Variants in PER3 observed in about 807,000 individuals in gnomAD.
The protein encoded by PER3 is period circadian regulator 3.
A neutral mutation model predicts 127.2 loss-of-function variants in PER3; 107 were observed. That is an observed-to-expected ratio of 0.84 (90% confidence interval 0.72 to 0.99). PER3 has a LOEUF of 0.99. PER3 is among the 50% of genes least tolerant of loss of function. The pLI is 0.00. For synonymous variants in PER3, 618 were observed against 585.8 expected (o/e 1.05, Z -0.79); for missense variants, 1,560 against 1,525.8 (o/e 1.02, Z -0.37).
At position 7,836,100 on chromosome 1, in the gene PER3, C is replaced by T. The variant is rs1042983961; in HGVS notation, c.3398+155C>T. ...GCAACCTCCATCTCCTGGGTTCAAG[C>T]GATTCTTCTGCCTCAGCCTCCCGAG... On this transcript the variant is annotated intron_variant, in intron 20 of 21. Transcript: ENST00000377532. Among the ~76,000 whole-genome samples, 7 of 152,010 alleles carry T rather than the reference C, an allele frequency of 4.6e-5. No homozygotes were observed. The East Asian group carries it at 7.7e-4, about 17-fold the overall frequency.
chr1:7,839,057 G>A (rs1176140278), intron 21 of PER3, among the ~76,000 whole-genome samples: 4 of 151,858 alleles, frequency 2.6e-5, no homozygotes, highest in African/African-American at 4.8e-5. Context: ...GTGTTTAGTT[G>A]GTTTTTTGAA....
At chr1:7,823,204 G>A (rs1481035992) in intron 16 of PER3, among the ~76,000 whole-genome samples, 1 of 152,204 alleles carries the variant, frequency 6.6e-6, no homozygotes, top group Non-Finnish European at 1.5e-5. Context: ...AGATGCACAA[G>A]TGAAACCGTA....
In PER3 at chr1:7,788,197, G is replaced by A. The variant is rs750025676; in HGVS notation, c.543G>A (p.Ala181=). The part of the protein sequence containing the change: ...LAPQDMRVFY[A]HTARAQLPFW... ...CTCAAGACATGAGGGTATTCTACGC[G>A]CACACTGCCAGAGCTCAGCTTCCTT... Residue 181 remains alanine (A), a synonymous_variant, in exon 5 of 22, where the codon GCG becomes GCA. Coordinates refer to ENST00000377532, the MANE Select transcript of PER3 (RefSeq NM_001377275.1). 1.4e-5 allele frequency: 23 copies of A among 1,613,824 alleles called. No individual in the cohort carries two copies. The highest frequency in any genetic ancestry group is 3.3e-5 in the Admixed American group (2 of 60,000).
intron 11 of PER3, among the ~76,000 whole-genome samples, chr1:7,809,228 C>T (rs751777390): frequency 5.9e-5 from 9 of 152,200 alleles, no homozygotes; most frequent in East Asian, 1.9e-4. Flanking sequence ...CAGCAAACCA[C>T]GTGACTGAGA....
Position 7,843,949 on chromosome 1 carries a change from C to T in PER3, c.*1194C>T. On this transcript the variant is annotated 3_prime_UTR_variant, in exon 22 of 22. Transcript: ENST00000377532. ...TTGGAATGATAGATGAAATTCACAC[C>T]CCTGCAGATCAGAAAAAACAAATAG... 7.8e-7 allele frequency: 1 copy of T among 1,277,154 alleles called. No individual in the cohort carries two copies. Among genetic ancestry groups the T allele is most frequent in the Non-Finnish European group, 1.0e-6 (1 of 977,010 alleles). 79.1% of individuals were successfully genotyped at this position (1,277,154 alleles called of 1,614,324 possible). A position where few individuals can be genotyped will look rare whatever the true frequency, so the allele number is the denominator to read the frequency against.
rs866728922 is a variant in PER3 at position 7,840,660 on chromosome 1, A to G, written c.3550-2012A>G. ...TTTTTTAAGACAGTCTCACTTTGTC[A>G]TCCAGGCTGGAGTGCAGTGGTATGA... On this transcript the variant is annotated intron_variant, in intron 21 of 21. Coordinates refer to ENST00000377532, the MANE Select transcript of PER3 (RefSeq NM_001377275.1). Among the ~76,000 whole-genome samples the G allele has an allele frequency of 1.3e-4, 19 of 151,956 alleles. No individual in the cohort carries two copies. The South Asian group carries it at 3.5e-3, about 28-fold the overall frequency.
intron 16 of PER3, among the ~76,000 whole-genome samples, chr1:7,824,357 A>G (rs1405837358): frequency 1.3e-5 from 2 of 152,238 alleles, no homozygotes; most frequent in East Asian, 3.8e-4. Flanking sequence ...CAAAATTGAT[A>G]AACTCCTTAT....
chr1:7,836,001 T>C, intron 20 of PER3, 56 bp downstream of exon 20: 1 of 1,245,562 alleles, frequency 8.0e-7, no homozygotes, highest in Non-Finnish European at 1.1e-6. Context: ...TCTTTTTTTC[T>C]TTTTTTTCTT....
intron 13 of PER3, among the ~76,000 whole-genome samples, chr1:7,818,935 C>G (rs903262848): frequency 6.6e-6 from 1 of 152,232 alleles, no homozygotes; most frequent in African/African-American, 2.4e-5. Flanking sequence ...CAGGGTTGAT[C>G]AGTTGTACAG....
intron 13 of PER3, among the ~76,000 whole-genome samples, chr1:7,817,206 G>A (rs570385430): frequency 1.3e-5 from 2 of 152,284 alleles, no homozygotes; most frequent in South Asian, 4.1e-4. Context: ...TTAAGTCATG[G>A]AAATGTTCTT....
Position 7,835,830 on chromosome 1 carries a change from C to A in PER3, c.3283C>A (p.Gln1095Lys), listed in dbSNP as rs1267990710. ...TTCTAAAATCTCCCAAAATGGGCAG[C>A]AATCTCAGGACGTACAGAAAAAAGA... ...YSSKISQNGQQSQDVQKKETF... is the reference protein window; with the variant it reads ...YSSKISQNGQKSQDVQKKETF... The change falls in exon 20 of 22, where the codon CAA (glutamine) becomes AAA (lysine). Residue 1095 changes from glutamine (Q) to lysine (K), a missense_variant. Physicochemically the swap from Gln to Lys is moderately conservative, Grantham distance 53. This residue lies in a region of PER3 where 199 missense variants were observed against 198.6 expected (regional missense o/e 1.00). Coordinates refer to ENST00000377532, the MANE Select transcript of PER3 (RefSeq NM_001377275.1). 58 of 1,611,310 alleles carry A rather than the reference C, an allele frequency of 3.6e-5. No individual in the cohort carries two copies. The highest frequency in any genetic ancestry group is 4.6e-5 in the Non-Finnish European group (54 of 1,177,580).
chr1:7,788,085 T>G lies in PER3; in HGVS notation c.431T>G (p.Leu144Ter). The change falls in exon 5 of 22, where the codon TTA (leucine) becomes TGA (stop). Residue 144 changes from leucine to a stop codon, truncating the protein, a stop_gained. Coordinates refer to ENST00000377532, the MANE Select transcript of PER3 (RefSeq NM_001377275.1). LOFTEE classifies it high-confidence loss of function. ...VAVFSFLSGR[L>*]VHISEQAALI... is the part of the protein sequence containing the mutation. ...GTATTTTCATTTCTGTCTGGAAGGT[T>G]AGTGCACATTTCTGAACAGGCTGCT... 2 of 1,613,890 alleles carry G rather than the reference T, an allele frequency of 1.2e-6. No individual in the cohort carries two copies. The highest frequency in any genetic ancestry group is 1.1e-5 in the South Asian group (1 of 91,076).
chr1:7,794,018 G>C lies in PER3; in HGVS notation c.644+10G>C, dbSNP rs1325857754. On this transcript the variant is annotated intron_variant, in intron 6 of 21. Transcript: ENST00000377532. ...TTTTCTGCAGGATCCGGTAAGTATA[G>C]TGGCTCGTGGAAGCCAGCAACAGTG... 1 of 1,610,174 alleles carries C rather than the reference G, an allele frequency of 6.2e-7. No individual in the cohort carries two copies. The highest frequency in any genetic ancestry group is 1.3e-5 in the African/African-American group (1 of 74,846).
chr1:7,790,769 T>TA (rs772741399), intron 5 of PER3, among the ~76,000 whole-genome samples: 1 of 152,158 alleles, frequency 6.6e-6, no homozygotes, highest in Non-Finnish European at 1.5e-5. Context: ...ATTGGGTAAA[T>TA]ACACCCATTT....
chr1:7,807,956 G>C (rs2097202247), intron 10 of PER3, among the ~76,000 whole-genome samples: 1 of 152,120 alleles, frequency 6.6e-6, no homozygotes, highest in Admixed American at 6.5e-5. Context: ...GTACAGGCTG[G>C]GTGCAGTGGC....
intron 10 of PER3, among the ~76,000 whole-genome samples, chr1:7,806,104 G>A (rs2097191294): frequency 6.6e-6 from 1 of 152,180 alleles, no homozygotes; most frequent in South Asian, 2.1e-4. Flanking sequence ...ACACTGTAAT[G>A]GGAGAGACAG....
At chr1:7,808,792 G>T in intron 10 of PER3, 101 bp from the exon 11 acceptor site, 1 of 680,334 alleles carries the variant, frequency 1.5e-6, no homozygotes, top group East Asian at 2.7e-5. Flanking sequence ...TCAAAGAATT[G>T]TTTTGTAAAA....
chr1:7,838,845 A>C (rs1356944411), intron 21 of PER3, among the ~76,000 whole-genome samples: 2 of 152,218 alleles, frequency 1.3e-5, no homozygotes, highest in African/African-American at 4.8e-5. Flanking sequence ...TCTAGATCTA[A>C]AGTGAGTAGG....
chr1:7,791,547 T>C (rs2097121240), intron 5 of PER3, among the ~76,000 whole-genome samples: 1 of 152,256 alleles, frequency 6.6e-6, no homozygotes, highest in South Asian at 2.1e-4. Context: ...TGAAGACATT[T>C]TCCCCATTGT....
Sources: gnomAD v4.1 joint callset for allele counts (sites outside exome capture counted in the v4.1 genomes callset) on GRCh38, gnomAD v4.1.1 for gene constraint, gnomAD v4.1.1 regional missense constraint, MANE v1.5 for transcripts, NCBI Gene and HGNC (gene_info 2026-07-23, HGNC 2026-07-21) for gene names.